PHF21B: variants seen among roughly 807,000 people sequenced by gnomAD.
The protein encoded by PHF21B is PHD finger protein 21B.
Under a neutral mutation model 62.2 loss-of-function variants are expected in PHF21B, and 22 were observed. That is an observed-to-expected ratio of 0.35 (90% CI 0.25 to 0.51). The LOEUF (loss-of-function observed/expected upper bound fraction) is 0.51, where lower values mean the gene tolerates loss of function less well. PHF21B is among the 20% of genes least tolerant of loss of function. The pLI is 0.97. For synonymous variants in PHF21B, 341 were observed against 314.7 expected (o/e 1.08, Z -0.88); for missense variants, 701 against 707.9 (o/e 0.99, Z 0.11).
chr22:44,946,639 A>G (rs2072079966), intron 2 of PHF21B, among the ~76,000 whole-genome samples: 1 of 151,776 alleles, frequency 6.6e-6, no homozygotes, highest in Non-Finnish European at 1.5e-5. Context: ...GGATGGATGG[A>G]TGGGTGGATG....
chr22:44,942,162 C>T (rs553245086), intron 2 of PHF21B, among the ~76,000 whole-genome samples: 205 of 152,318 alleles, frequency 1.3e-3, no homozygotes, highest in Non-Finnish European at 1.5e-3. Flanking sequence ...GGTCCGCCTT[C>T]TCCCTTTTCC....
intron 5 of PHF21B, among the ~76,000 whole-genome samples, chr22:44,898,794 C>G (rs2071105054): frequency 6.6e-6 from 1 of 152,214 alleles, no homozygotes; most frequent in Middle Eastern, 3.4e-3. Context: ...AATTTTTGAT[C>G]CATTTGGAAC....
intron 2 of PHF21B, among the ~76,000 whole-genome samples, chr22:44,928,720 T>G (rs1026412814): frequency 6.6e-6 from 1 of 152,214 alleles, no homozygotes. Flanking sequence ...TAAAGGAACT[T>G]TTTAAAGAAA....
chr22:44,957,615 G>C (rs1224196562), intron 2 of PHF21B, among the ~76,000 whole-genome samples: 2 of 152,118 alleles, frequency 1.3e-5, no homozygotes, highest in Admixed American at 6.6e-5. Context: ...GGTTCCTCCT[G>C]CTAATTTTTC....
chr22:44,985,333 A>C (rs1483478009), intron 2 of PHF21B, among the ~76,000 whole-genome samples: 3 of 152,214 alleles, frequency 2.0e-5, no homozygotes, highest in African/African-American at 7.2e-5. Flanking sequence ...ACTGCAACTC[A>C]CAGGGTCTGA....
chr22:44,935,478 G>A (rs922699589), intron 2 of PHF21B, among the ~76,000 whole-genome samples: 1 of 152,306 alleles, frequency 6.6e-6, no homozygotes, highest in East Asian at 1.9e-4. Flanking sequence ...GCCGGGCGTG[G>A]TGGCGGGCGC....
chr22:45,005,905 C>G (rs1393322705), intron 2 of PHF21B, among the ~76,000 whole-genome samples: 2 of 152,170 alleles, frequency 1.3e-5, no homozygotes, highest in Non-Finnish European at 2.9e-5. Context: ...CCCATTTCGG[C>G]TCCTTCTGGG....
rs1231432941 is a variant in PHF21B, at chr22:44,949,478, C to T, written c.121-28988G>A. Reference sequence around the variant, plus strand: ...CATAATTCCAATTTGGCTTTGAATGCAGCCACTTTATCTGCCGACTTGAAC... The same window carrying T: ...CATAATTCCAATTTGGCTTTGAATGTAGCCACTTTATCTGCCGACTTGAAC... On this transcript the variant is annotated intron_variant, in intron 2 of 12. Coordinates refer to ENST00000313237, the MANE Select transcript of PHF21B (RefSeq NM_138415.5). Among the ~76,000 whole-genome samples, 3 of 152,170 alleles carry T rather than the reference C, an allele frequency of 2.0e-5. No individual in the cohort carries two copies. The East Asian group carries it at 5.8e-4, about 29-fold the overall frequency.
At chr22:44,952,657 T>A (rs1223556657) in intron 2 of PHF21B, among the ~76,000 whole-genome samples, 1 of 152,254 alleles carries the variant, frequency 6.6e-6, no homozygotes, top group African/African-American at 2.4e-5. Flanking sequence ...CTTTATCCTT[T>A]ACGATACTTT....
chr22:44,883,187 T>C lies in PHF21B; in HGVS notation c.1495A>G (p.Met499Val). Residue 499 changes from methionine to valine, a missense_variant, in exon 13 of 13, where the codon ATG (methionine) becomes GTG (valine). Physicochemically the swap from Met to Val is conservative, Grantham distance 21. Transcript: ENST00000313237. The part of the protein sequence containing the change: ...IQGEQLLQVT[M>V]TTTSPAPLLA... ...AGTGGGGCAGGGCTAGTGGTCGTCA[T>C]GGTGACCTGGAGCAGCTGCTCGCCC... 1 of 1,613,540 alleles carries C rather than the reference T, an allele frequency of 6.2e-7. No homozygotes were observed. Among genetic ancestry groups the C allele is most frequent in the Non-Finnish European group, 8.5e-7 (1 of 1,179,942 alleles).
At chr22:44,908,355 C>T (rs1044503269) in intron 5 of PHF21B, among the ~76,000 whole-genome samples, 4 of 152,124 alleles carry the variant, frequency 2.6e-5, no homozygotes, top group East Asian at 1.9e-4. Context: ...CATGGACGGG[C>T]GGCAGCTAAC....
intron 2 of PHF21B, among the ~76,000 whole-genome samples, chr22:44,974,031 G>A (rs2072689656): frequency 6.6e-6 from 1 of 152,182 alleles, no homozygotes. Context: ...TTGCTCAGAA[G>A]TACTAAAAGC....
rs1222214316 is a variant in PHF21B at position 45,009,790 on chromosome 22, C to T, written c.-241G>A. On this transcript the variant is annotated 5_prime_UTR_variant, in exon 1 of 13. Transcript: ENST00000313237. The surrounding 1 kb of genome is among the most constrained non-coding windows in gnomAD (Gnocchi z 5.9). ...ACTCCTCAGGCTGCCCGGCAAGTTG[C>T]GCCGGGTCCCCGGGCTGCCGGCGCG... 3.8e-5 allele frequency: 9 copies of T among 237,060 alleles called. No individual in the cohort carries two copies. Among genetic ancestry groups the T allele is most frequent in the Non-Finnish European group, 7.3e-5 (9 of 123,340 alleles). 14.7% of individuals were successfully genotyped at this position (237,060 alleles called of 1,614,324 possible).
chr22:44,955,335 A>T (rs1168070568), intron 2 of PHF21B, among the ~76,000 whole-genome samples: 1 of 152,160 alleles, frequency 6.6e-6, no homozygotes, highest in Non-Finnish European at 1.5e-5. Context: ...GGGTGTTGTG[A>T]CCTCAAAGTG....
chr22:44,885,312 G>C (rs2070836662), intron 12 of PHF21B, 114 bp downstream of exon 12: 1 of 1,016,896 alleles, frequency 9.8e-7, no homozygotes, highest in South Asian at 1.7e-5. Context: ...TTCCTGCACT[G>C]CTGAGGCCAG....
chr22:44,933,484 T>TC, intron 2 of PHF21B: 1 of 985,372 alleles, frequency 1.0e-6, no homozygotes, highest in Non-Finnish European at 1.2e-6. Flanking sequence ...CCGTGCTGGG[T>TC]CCCTTGTGCA....
At chr22:44,954,783 G>T (rs2073239) in intron 2 of PHF21B, among the ~76,000 whole-genome samples, 10 of 151,928 alleles carry the variant, frequency 6.6e-5, no homozygotes, top group Admixed American at 1.3e-4. Flanking sequence ...CCCACCCCAC[G>T]CTCCCAGGAA....
chr22:44,964,921 C>T (rs2147429672), intron 2 of PHF21B, among the ~76,000 whole-genome samples: 1 of 152,292 alleles, frequency 6.6e-6, no homozygotes, highest in South Asian at 2.1e-4. Flanking sequence ...CGGGCAGCAC[C>T]TTAACATCTC....
chr22:44,899,027 G>T (rs2071108779), intron 5 of PHF21B, among the ~76,000 whole-genome samples: 1 of 152,140 alleles, frequency 6.6e-6, no homozygotes, highest in African/African-American at 2.4e-5. Context: ...CACACGTTCA[G>T]TTCTCAAGGC....
Sources: allele counts gnomAD v4.1 joint callset (sites outside exome capture counted in the v4.1 genomes callset), GRCh38; gene constraint gnomAD v4.1.1; non-coding constraint Gnocchi (gnomAD v3.1); transcripts MANE v1.5; gene names NCBI Gene and HGNC (gene_info 2026-07-23, HGNC 2026-07-21).